Variants in KIAA1217 observed in about 807,000 individuals in gnomAD.
KIAA1217 encodes sickle tail protein homolog.
Under a neutral mutation model 163.9 loss-of-function variants are expected in KIAA1217, and 88 were observed. The observed-to-expected ratio is 0.54, with a 90% confidence interval of 0.45 to 0.64. The LOEUF (loss-of-function observed/expected upper bound fraction) is 0.64. KIAA1217 is among the 30% of genes least tolerant of loss of function. The pLI is 0.00. For synonymous variants in KIAA1217, 903 were observed against 923.1 expected, an observed-to-expected ratio of 0.98 and a Z score of 0.39; for missense variants, 2,372 against 2,475.0, an observed-to-expected ratio of 0.96 and a Z score of 0.88.
chr10:24,081,320 T>C (rs901100257), intron 2 of KIAA1217, among the ~76,000 whole-genome samples: 1 of 152,198 alleles, frequency 6.6e-6, no homozygotes, highest in African/African-American at 2.4e-5. Flanking sequence ...CCTGCAGGAA[T>C]GTCTCATCAG....
chr10:24,394,345 C>A (rs527819239), intron 3 of KIAA1217, among the ~76,000 whole-genome samples: 3 of 152,268 alleles, frequency 2.0e-5, no homozygotes, highest in Admixed American at 2.0e-4. Flanking sequence ...TTTCAGACAT[C>A]CCTGGCTAAA....
chr10:23,889,866 A>C (rs1841347757), intron 1 of KIAA1217, among the ~76,000 whole-genome samples: 1 of 151,714 alleles, frequency 6.6e-6, no homozygotes, highest in African/African-American at 2.4e-5. Flanking sequence ...ATTCATTTTT[A>C]TTAATTTTAG....
intron 1 of KIAA1217, among the ~76,000 whole-genome samples, chr10:23,991,788 G>C (rs767566868): frequency 1.6e-4 from 24 of 152,130 alleles, no homozygotes; most frequent in Non-Finnish European, 3.2e-4. Context: ...CTTTAAGTTG[G>C]TAATAAACAC....
chr10:24,345,318 G>C (rs996796451), intron 2 of KIAA1217, among the ~76,000 whole-genome samples: 7 of 152,168 alleles, frequency 4.6e-5, no homozygotes, highest in African/African-American at 1.7e-4. Flanking sequence ...TGCCCACTTC[G>C]TAGGAATACG....
At chr10:23,969,032 T>C (rs568295514) in intron 1 of KIAA1217, among the ~76,000 whole-genome samples, 15 of 152,130 alleles carry the variant, frequency 9.9e-5, no homozygotes, top group African/African-American at 3.6e-4. Flanking sequence ...TCTATGTTTT[T>C]TTTGTTTGTT....
chr10:24,206,344 CA>C, upstream of KIAA1217, among the ~76,000 whole-genome samples: 1 of 152,288 alleles, frequency 6.6e-6, no homozygotes, highest in South Asian at 2.1e-4. Flanking sequence ...ACTTCTAGTT[CA>C]AATAGTGTTT....
At chr10:24,517,644 G>A (rs572224792) in intron 10 of KIAA1217, among the ~76,000 whole-genome samples, 4 of 152,154 alleles carry the variant, frequency 2.6e-5, no homozygotes, top group Admixed American at 2.6e-4. Flanking sequence ...GAGCATGTTA[G>A]GTTGAATTAC....
intron 1 of KIAA1217, among the ~76,000 whole-genome samples, chr10:23,699,077 C>T (rs189709174): frequency 1.2e-4 from 19 of 152,308 alleles, no homozygotes; most frequent in African/African-American, 3.6e-4. Flanking sequence ...TGGCTCACAC[C>T]GTCCAGTTGC....
chr10:24,255,462 A>G (rs777132261), intron 2 of KIAA1217: 1 of 454,480 alleles, frequency 2.2e-6, no homozygotes, highest in South Asian at 1.6e-5. Context: ...AGAACATTAA[A>G]GGTCTGGCTG....
chr10:23,887,123 A>AT (rs1321789408), intron 1 of KIAA1217, among the ~76,000 whole-genome samples: 92 of 152,038 alleles, frequency 6.1e-4, no homozygotes, highest in African/African-American at 2.1e-3. Context: ...TTATCTTTGG[A>AT]ACATCATTTA....
chr10:24,429,353 A>G (rs2059410276), intron 3 of KIAA1217, among the ~76,000 whole-genome samples: 1 of 152,150 alleles, frequency 6.6e-6, no homozygotes, highest in Admixed American at 6.6e-5. Flanking sequence ...CATGTCCTTC[A>G]GTTTACAAGG....
At chr10:24,527,835 TC>T (rs1159153769) in intron 13 of KIAA1217, 100 bp from the exon 14 acceptor site, 9 of 843,158 alleles carry the variant, frequency 1.1e-5, no homozygotes, top group Admixed American at 9.3e-5. Context: ...TTTTTCCTGA[TC>T]CTCTCCTTCC....
At chr10:24,484,103 A>AATTTTT (rs1303722585) in intron 6 of KIAA1217, among the ~76,000 whole-genome samples, 1 of 150,274 alleles carries the variant, frequency 6.7e-6, no homozygotes, top group African/African-American at 2.4e-5. Context: ...AGTTCTGTGC[A>AATTTTT]ATTTTTATTT....
At chr10:24,018,711 T>A (rs953452551) in intron 2 of KIAA1217, among the ~76,000 whole-genome samples, 3 of 152,078 alleles carry the variant, frequency 2.0e-5, no homozygotes, top group African/African-American at 7.2e-5. Flanking sequence ...ACTGGGTATA[T>A]ATCCAAAGAT....
At chr10:23,787,083 A>T (rs1438754375) in intron 1 of KIAA1217, among the ~76,000 whole-genome samples, 1 of 152,226 alleles carries the variant, frequency 6.6e-6, no homozygotes, top group East Asian at 1.9e-4. Flanking sequence ...CATTATAAGG[A>T]ATTCCACAAG....
chr10:24,007,722 A>G lies in KIAA1217; in HGVS notation c.-171+348A>G, dbSNP rs12245416. Among the ~76,000 whole-genome samples the G allele has an allele frequency of 8.1e-3, 1,231 of 152,324 alleles. 15 individuals carry two copies. Among genetic ancestry groups the G allele is most frequent in the African/African-American group, 0.028 (1,163 of 41,572 alleles). On this transcript the variant is annotated intron_variant, in intron 2 of 18. Transcript: ENST00000376462. ...TAAAGAATACGAAAATGCTCAGAGA[A>G]CATGAACTTTTTGGCAAAGGATAGA... is the stretch of plus-strand genomic sequence containing the variant.
chr10:24,208,522 T>C (rs1278897052), upstream of KIAA1217, among the ~76,000 whole-genome samples: 2 of 152,114 alleles, frequency 1.3e-5, no homozygotes, highest in East Asian at 1.9e-4. Flanking sequence ...TACCTCTTCA[T>C]AGATGTTAAT....
At chr10:24,420,014 C>T (rs145293008) in intron 3 of KIAA1217, among the ~76,000 whole-genome samples, 5 of 152,016 alleles carry the variant, frequency 3.3e-5, no homozygotes, top group East Asian at 1.9e-4. Context: ...AGATGACAAA[C>T]GGTGCTACAA....
intron 1 of KIAA1217, among the ~76,000 whole-genome samples, chr10:23,707,783 A>G (rs1836986600): frequency 6.6e-6 from 1 of 152,152 alleles, no homozygotes; most frequent in Non-Finnish European, 1.5e-5. Flanking sequence ...TGGATTCACC[A>G]GTTTTATTTT....
Sources: gnomAD v4.1 joint callset for allele counts (sites outside exome capture counted in the v4.1 genomes callset) on GRCh38, gnomAD v4.1.1 for gene constraint, MANE v1.5 for transcripts, NCBI Gene and HGNC (gene_info 2026-07-23, HGNC 2026-07-21) for gene names.